Variants in ADGB observed in about 807,000 individuals in gnomAD.
ADGB encodes the protein calpain-7-like protein.
In ADGB, 172 loss-of-function variants were observed where a neutral mutation model predicts 210.5. The observed-to-expected ratio is 0.82, with a 90% CI of 0.72 to 0.93. The LOEUF (loss-of-function observed/expected upper bound fraction) is 0.93, where lower values mean the gene tolerates loss of function less well. Among genes scored for constraint, ADGB ranks in the 40% least tolerant of loss-of-function variants. The probability of loss-of-function intolerance (pLI) is 0.00; values close to 1 mark genes in which losing one functional copy is unlikely to be tolerated. For synonymous variants in ADGB, 658 were observed against 662.7 expected (o/e 0.99, Z 0.11); for missense variants, 2,025 against 1,964.8 (o/e 1.03, Z -0.58).
intron 25 of ADGB, among the ~76,000 whole-genome samples, chr6:146,744,199 T>C (rs941839256): frequency 2.6e-5 from 4 of 152,296 alleles, no homozygotes; most frequent in African/African-American, 9.6e-5. Flanking sequence ...CAAGGCATGT[T>C]GATATGGTGG....
At chr6:146,642,394 A>C (rs1214367431) in intron 2 of ADGB, among the ~76,000 whole-genome samples, 2 of 152,014 alleles carry the variant, frequency 1.3e-5, no homozygotes, top group Non-Finnish European at 2.9e-5. Context: ...CTATATACCC[A>C]GAGCAACATA....
In ADGB at chr6:146,624,535, CAAAT is replaced by C. The variant is rs1248384829; in HGVS notation, c.75-10837_75-10834del. 5.9e-5 allele frequency among the ~76,000 whole-genome samples: 9 copies of C among 151,892 alleles called. No homozygotes were observed. In the South Asian group the frequency reaches 1.7e-3, roughly 28 times the overall value. On this transcript the variant is annotated intron_variant, in intron 1 of 35. Transcript: ENST00000397944. ...TGATCTGCTCTATTATTTATATACT[CAAAT>C]AACTGGATTTTTGGTTACATTTATT...
chr6:146,618,616 G>A (rs1562256434), intron 1 of ADGB, among the ~76,000 whole-genome samples: 1 of 151,366 alleles, frequency 6.6e-6, no homozygotes, highest in Non-Finnish European at 1.5e-5. Flanking sequence ...TTACACATTT[G>A]TTGATCAGGT....
chr6:146,636,348 A>G (rs989336634), intron 2 of ADGB, among the ~76,000 whole-genome samples: 1 of 152,102 alleles, frequency 6.6e-6, no homozygotes. Context: ...AAAAGATTGT[A>G]TCACAAATTG....
chr6:146,744,147 A>G (rs1322889892), intron 25 of ADGB, among the ~76,000 whole-genome samples: 3 of 152,194 alleles, frequency 2.0e-5, no homozygotes, highest in Admixed American at 6.5e-5. Context: ...TCATTGCTCC[A>G]TTGTTTTGTA....
rs1268521948 is a variant in ADGB at position 146,672,280 on chromosome 6, G to C, written c.900G>C (p.Leu300=). 6.4e-7 allele frequency: 1 copy of C among 1,550,722 alleles called. No homozygotes were observed. Among genetic ancestry groups the C allele is most frequent in the Non-Finnish European group, 8.7e-7 (1 of 1,146,592 alleles). The stretch of plus-strand genomic sequence containing the variant: ...AAGAAATATTGCCTGAGTTTAAGCT[G>C]TCAGATGAGGCCAGCTCTGAAAGCA... ...LLKEILPEFK[L]SDEASSESKI... Residue 300 remains leucine, a synonymous_variant, in exon 8 of 36, where the codon CTG becomes CTC. Coordinates refer to ENST00000397944, the MANE Select transcript of ADGB (RefSeq NM_024694.4).
At chr6:146,641,724 C>A (rs1220144338) in intron 2 of ADGB, among the ~76,000 whole-genome samples, 3 of 151,904 alleles carry the variant, frequency 2.0e-5, no homozygotes, top group Non-Finnish European at 4.4e-5. Context: ...GAAGCTAGAC[C>A]CTGTTCTTAC....
intron 35 of ADGB, among the ~76,000 whole-genome samples, chr6:146,807,034 C>T (rs1452541815): frequency 6.6e-6 from 1 of 152,132 alleles, no homozygotes; most frequent in African/African-American, 2.4e-5. Context: ...GGATAGCATA[C>T]ATGTGGGGAA....
intron 35 of ADGB, chr6:146,802,984 GC>G: frequency 6.2e-7 from 1 of 1,609,448 alleles, no homozygotes; most frequent in Non-Finnish European, 8.5e-7. Context: ...ACTGCTTGAA[GC>G]CAGTTTAAAC....
At chr6:146,727,628 T>C (rs951031040) in intron 19 of ADGB, among the ~76,000 whole-genome samples, 4 of 152,184 alleles carry the variant, frequency 2.6e-5, no homozygotes, top group South Asian at 4.1e-4. Context: ...GTTGAAAAGA[T>C]TGTTGGAGCT....
chr6:146,733,694 C>T (rs1777037735), intron 21 of ADGB, among the ~76,000 whole-genome samples, 199 bp from the exon 22 acceptor site: 1 of 152,008 alleles, frequency 6.6e-6, no homozygotes, highest in South Asian at 2.1e-4. Flanking sequence ...ACCAATATGT[C>T]CCTATTTTGT....
At chr6:146,722,825 C>T (rs1776841294) in intron 17 of ADGB, among the ~76,000 whole-genome samples, 1 of 152,160 alleles carries the variant, frequency 6.6e-6, no homozygotes, top group Non-Finnish European at 1.5e-5. Flanking sequence ...AGGCCACCTT[C>T]CTTCTGTTCT....
At chr6:146,678,548 G>C (rs1319829375) in intron 9 of ADGB, among the ~76,000 whole-genome samples, 5 of 152,076 alleles carry the variant, frequency 3.3e-5, no homozygotes, top group African/African-American at 1.2e-4. Flanking sequence ...TTGATGATTT[G>C]ATATTAGAGG....
At chr6:146,690,351 T>C (rs921936525) in intron 10 of ADGB, among the ~76,000 whole-genome samples, 2 of 152,210 alleles carry the variant, frequency 1.3e-5, no homozygotes, top group African/African-American at 4.8e-5. Context: ...TCGGTCAAAA[T>C]TGATTTTAAT....
intron 29 of ADGB, among the ~76,000 whole-genome samples, chr6:146,775,527 T>C (rs1777709576): frequency 6.6e-6 from 1 of 152,212 alleles, no homozygotes; most frequent in African/African-American, 2.4e-5. Flanking sequence ...CCTGCCTTCA[T>C]GTATAATTAC....
At chr6:146,648,739 C>G (rs368820933) in intron 3 of ADGB, among the ~76,000 whole-genome samples, 3 of 151,762 alleles carry the variant, frequency 2.0e-5, no homozygotes, top group African/African-American at 7.3e-5. Flanking sequence ...CCATATAAGC[C>G]ACCTTTTTAA....
intron 27 of ADGB, 79 bp from the exon 28 acceptor site, chr6:146,763,822 A>T: frequency 8.0e-7 from 1 of 1,245,430 alleles, no homozygotes; most frequent in South Asian, 1.6e-5. Context: ...GTGTTTTATA[A>T]AGGAATGTAA....
intron 30 of ADGB, 135 bp from the exon 31 acceptor site, chr6:146,784,483 C>A: frequency 1.4e-6 from 1 of 723,362 alleles, no homozygotes; most frequent in Non-Finnish European, 2.0e-6. Context: ...CATTTTCGTA[C>A]AAGTCTTTTG....
chr6:146,807,497 C>G (rs2114672100), intron 35 of ADGB: 1 of 1,551,576 alleles, frequency 6.4e-7, no homozygotes, highest in Non-Finnish European at 8.7e-7. Context: ...TGGAAGCTCT[C>G]TCTGCTCAGG....
Sources: allele counts gnomAD v4.1 joint callset (sites outside exome capture counted in the v4.1 genomes callset), GRCh38; gene constraint gnomAD v4.1.1; transcripts MANE v1.5; gene names NCBI Gene and HGNC (gene_info 2026-07-23, HGNC 2026-07-21).